The following GPR161 variants were observed in gnomAD, a reference collection of about 807,000 sequenced individuals.
GPR161 encodes G protein-coupled receptor 161.
In GPR161, 25 loss-of-function variants were observed where a neutral mutation model predicts 39.2. The observed-to-expected ratio is 0.64, with a 90% CI of 0.47 to 0.89. The LOEUF is 0.89. Ranked by LOEUF, GPR161 falls within the 40% of genes least tolerant of loss-of-function variation. The probability of loss-of-function intolerance (pLI) is 0.00; values close to 1 mark genes in which losing one functional copy is unlikely to be tolerated. For missense variants in GPR161, 547 were observed against 677.8 expected (o/e 0.81, Z 2.14); for synonymous variants, 286 against 276.6 (o/e 1.03, Z -0.34).
In GPR161 at chr1:168,085,199, C is replaced by G. The variant is rs1213507605; in HGVS notation, c.*332G>C. 1 of 449,544 alleles carries G rather than the reference C, an allele frequency of 2.2e-6. No individual in the cohort carries two copies. The highest frequency in any genetic ancestry group is 4.2e-6 in the Non-Finnish European group (1 of 237,534). 27.8% of individuals were successfully genotyped at this position (449,544 alleles called of 1,614,324 possible). On this transcript the variant is annotated 3_prime_UTR_variant, in exon 6 of 6. Transcript: ENST00000682931. Reference sequence around the variant, plus strand: ...GCATGTGGGGGTCTCCTTCCAAGCCCTTCGTCTCTGGTCCTCCCATGCCCC... The same window carrying G: ...GCATGTGGGGGTCTCCTTCCAAGCCGTTCGTCTCTGGTCCTCCCATGCCCC...
intron 1 of GPR161, chr1:168,135,001 C>CG: frequency 6.5e-7 from 1 of 1,534,610 alleles, no homozygotes; most frequent in Non-Finnish European, 8.7e-7. Context: ...CCACACAGTG[C>CG]TCCTTCACCT....
At position 168,083,448 on chromosome 1, in the gene GPR161, G is replaced by C. The variant is rs1421138831; in HGVS notation, c.*2083C>G. 1 of 152,292 alleles carries C rather than the reference G, an allele frequency of 6.6e-6. No homozygotes were observed. The highest frequency in any genetic ancestry group is 1.5e-5 in the Non-Finnish European group (1 of 68,154). The allele number at this position is 152,292 out of a possible 1,614,324, so 9.4% of individuals were successfully genotyped here. A position where few individuals can be genotyped will look rare whatever the true frequency, so the allele number is the denominator to read the frequency against. Reference sequence around the variant, plus strand: ...AAGCCAAGCTGCTGCACTCAAGAATGCCTACACCTAACCAGCAACCCATCC... The same window carrying C: ...AAGCCAAGCTGCTGCACTCAAGAATCCCTACACCTAACCAGCAACCCATCC... On this transcript the variant is annotated 3_prime_UTR_variant, in exon 6 of 6. Transcript: ENST00000682931.
At chr1:168,119,530 A>G (rs1697985198) in intron 1 of GPR161, among the ~76,000 whole-genome samples, 1 of 151,942 alleles carries the variant, frequency 6.6e-6, no homozygotes, top group Non-Finnish European at 1.5e-5. Context: ...GTTATAGTTT[A>G]ATGAGAATAG....
At chr1:168,137,315 C>T, upstream of GPR161, 1 of 1,532,540 alleles carries the variant, frequency 6.5e-7, no homozygotes, top group East Asian at 2.4e-5. Flanking sequence ...AGATTCTTCC[C>T]GCAGGCTCCG....
chr1:168,136,098 TC>T, intron 1 of GPR161: 1 of 1,261,380 alleles, frequency 7.9e-7, no homozygotes, highest in Non-Finnish European at 1.0e-6. Flanking sequence ...CTGGTCGAGT[TC>T]TCCCCTTTCC....
intron 3 of GPR161, among the ~76,000 whole-genome samples, chr1:168,095,938 C>T (rs1322282837): frequency 1.3e-5 from 2 of 151,898 alleles, no homozygotes; most frequent in African/African-American, 4.8e-5. Context: ...AGTTTGAGAC[C>T]AGCCTAGCCA....
At chr1:168,103,990 C>T (rs570069409) in intron 2 of GPR161, among the ~76,000 whole-genome samples, 7 of 152,346 alleles carry the variant, frequency 4.6e-5, no homozygotes, top group Admixed American at 3.9e-4. Context: ...GGCCTCTCCC[C>T]GGTGTCACTG....
intron 1 of GPR161, among the ~76,000 whole-genome samples, chr1:168,125,439 C>G (rs549640166): frequency 6.6e-6 from 1 of 152,292 alleles, no homozygotes; most frequent in Non-Finnish European, 1.5e-5. Flanking sequence ...TTTATACCAT[C>G]AGAAAGGCCA....
intron 1 of GPR161, among the ~76,000 whole-genome samples, chr1:168,127,200 G>C (rs1463812196): frequency 6.6e-6 from 1 of 152,042 alleles, no homozygotes; most frequent in Non-Finnish European, 1.5e-5. Flanking sequence ...TTTAATTCAA[G>C]CTGGCCGGGC....
chr1:168,127,947 C>CA (rs1698712033), intron 1 of GPR161, among the ~76,000 whole-genome samples: 1 of 152,190 alleles, frequency 6.6e-6, no homozygotes, highest in African/African-American at 2.4e-5. Context: ...ATAAGGGGCT[C>CA]AGGGCCTGAA....
intron 1 of GPR161, among the ~76,000 whole-genome samples, chr1:168,122,367 A>G (rs1698246709): frequency 6.6e-6 from 1 of 152,174 alleles, no homozygotes; most frequent in South Asian, 2.1e-4. Flanking sequence ...AGGCTACATT[A>G]TATCTTCTCT....
At chr1:168,101,236 G>A (rs1233253237) in intron 2 of GPR161, among the ~76,000 whole-genome samples, 7 of 151,646 alleles carry the variant, frequency 4.6e-5, no homozygotes, top group East Asian at 1.9e-4. Flanking sequence ...CCATTAACTC[G>A]TCATTTAGCA....
chr1:168,102,850 A>C (rs1696233448), intron 2 of GPR161, among the ~76,000 whole-genome samples: 1 of 151,964 alleles, frequency 6.6e-6, no homozygotes, highest in African/African-American at 2.4e-5. Flanking sequence ...AAAAAAAAAA[A>C]AAAAGTTAAA....
At position 168,083,697 on chromosome 1, in the gene GPR161, G is replaced by C. The variant is rs995833244; in HGVS notation, c.*1834C>G. The C allele has an allele frequency of 1.3e-5, 2 of 152,326 alleles. No individual in the cohort carries two copies. Among genetic ancestry groups the C allele is most frequent in the African/African-American group, 4.8e-5 (2 of 41,462 alleles). The allele number at this position is 152,326 out of a possible 1,614,324, so 9.4% of individuals were successfully genotyped here. On this transcript the variant is annotated 3_prime_UTR_variant, in exon 6 of 6. Coordinates refer to ENST00000682931, the MANE Select transcript of GPR161 (RefSeq NM_001375883.1). The stretch of plus-strand genomic sequence containing the variant: ...CTCTGCTCCTTCCCACTCCCATCCA[G>C]AAGCTAGGCCAGCGCCTGGCATCCA...
At chr1:168,112,516 A>G in intron 1 of GPR161, among the ~76,000 whole-genome samples, 1 of 151,224 alleles carries the variant, frequency 6.6e-6, no homozygotes, top group South Asian at 2.1e-4. Flanking sequence ...GGAAAAGAAA[A>G]AAAAAAATTT....
chr1:168,119,234 A>ATATATGTATACATATATG (rs1697915835), intron 1 of GPR161, among the ~76,000 whole-genome samples: 1 of 120,170 alleles, frequency 8.3e-6, no homozygotes, highest in African/African-American at 3.6e-5. Flanking sequence ...ATACGTATAT[A>ATATATGTATACATATATG]TATATATACA....
intron 3 of GPR161, among the ~76,000 whole-genome samples, chr1:168,092,944 T>C (rs1317247226): frequency 6.6e-6 from 1 of 152,038 alleles, no homozygotes; most frequent in Non-Finnish European, 1.5e-5. Flanking sequence ...TGATACTGCC[T>C]GGGCCACCCT....
At chr1:168,090,037 G>T (rs1010039470) in intron 4 of GPR161, among the ~76,000 whole-genome samples, 1 of 152,232 alleles carries the variant, frequency 6.6e-6, no homozygotes, top group Non-Finnish European at 1.5e-5. Flanking sequence ...GGCTCCTTCT[G>T]TGCCAAGAAC....
chr1:168,126,282 G>T (rs1299075822), intron 1 of GPR161, among the ~76,000 whole-genome samples: 2 of 152,096 alleles, frequency 1.3e-5, no homozygotes, highest in Non-Finnish European at 2.9e-5. Context: ...CCTCCTTGTT[G>T]CCACTTATTT....
Sources: gnomAD v4.1 joint callset for allele counts (sites outside exome capture counted in the v4.1 genomes callset) on GRCh38, gnomAD v4.1.1 for gene constraint, MANE v1.5 for transcripts, NCBI Gene and HGNC (gene_info 2026-07-23, HGNC 2026-07-21) for gene names.